The following ELF2 variants were observed in gnomAD, a reference collection of about 807,000 sequenced individuals.
ELF2 encodes ETS-related transcription factor Elf-2.
In ELF2, 11 loss-of-function variants were observed where a neutral mutation model predicts 54.8. That is an observed-to-expected ratio of 0.20 (90% CI 0.13 to 0.33). The LOEUF (loss-of-function observed/expected upper bound fraction) is 0.33, where lower values mean the gene tolerates loss of function less well. ELF2 is among the 10% of genes least tolerant of loss of function. ELF2 has a pLI of 1.00. For missense variants in ELF2, 513 were observed against 703.0 expected, an observed-to-expected ratio of 0.73 and a Z score of 3.06; for synonymous variants, 203 against 245.1, an observed-to-expected ratio of 0.83 and a Z score of 1.61.
At chr4:139,062,430 C>A (rs1327865254) in intron 7 of ELF2, among the ~76,000 whole-genome samples, 1 of 152,204 alleles carries the variant, frequency 6.6e-6, no homozygotes, top group African/African-American at 2.4e-5. Flanking sequence ...CTCAGCCTCC[C>A]AAAATGCTGG....
intron 5 of ELF2, among the ~76,000 whole-genome samples, chr4:139,072,836 A>G (rs1220470943): frequency 6.6e-6 from 1 of 152,230 alleles, no homozygotes; most frequent in African/African-American, 2.4e-5. Flanking sequence ...CAAATTAAGA[A>G]GTATGGTTGC....
At chr4:139,163,166 A>G (rs1741341340) in intron 1 of ELF2, among the ~76,000 whole-genome samples, 1 of 152,190 alleles carries the variant, frequency 6.6e-6, no homozygotes, top group Admixed American at 6.5e-5. Context: ...GGTTTTCATT[A>G]AAAATCAAGA....
chr4:139,122,366 T>C (rs1322451344), intron 4 of ELF2, among the ~76,000 whole-genome samples: 2 of 152,214 alleles, frequency 1.3e-5, no homozygotes, highest in African/African-American at 4.8e-5. Flanking sequence ...ATGAACCTAA[T>C]CCTAATTCAC....
At chr4:139,114,464 GA>G (rs1196992420) in intron 4 of ELF2, among the ~76,000 whole-genome samples, 9 of 151,666 alleles carry the variant, frequency 5.9e-5, no homozygotes, top group Admixed American at 5.9e-4. Flanking sequence ...AGTTACTCAG[GA>G]GGCTGAGGCA....
chr4:139,115,273 G>C (rs544243469), intron 4 of ELF2: 40 of 1,601,968 alleles, frequency 2.5e-5, no homozygotes, highest in Admixed American at 1.0e-4. Context: ...TGCGGTCCCG[G>C]GGGGGGCTCT....
chr4:139,145,812 G>C (rs1397530725), intron 1 of ELF2, among the ~76,000 whole-genome samples: 3 of 151,940 alleles, frequency 2.0e-5, no homozygotes, highest in Non-Finnish European at 1.5e-5. Flanking sequence ...AATAGATGCA[G>C]AAAAAACATT....
At chr4:139,154,419 C>A (rs1740324734) in intron 1 of ELF2, among the ~76,000 whole-genome samples, 1 of 144,932 alleles carries the variant, frequency 6.9e-6, no homozygotes, top group South Asian at 2.5e-4. Flanking sequence ...CTGTTATTAT[C>A]TTTTTAATAA....
intron 7 of ELF2, among the ~76,000 whole-genome samples, chr4:139,063,016 G>A (rs1226907432): frequency 1.3e-5 from 2 of 152,182 alleles, no homozygotes; most frequent in Non-Finnish European, 2.9e-5. Context: ...AGCACTTTGG[G>A]AGGCCAGGAG....
At chr4:139,073,721 C>A in intron 4 of ELF2, 154 bp from the exon 5 acceptor site, 1 of 386,050 alleles carries the variant, frequency 2.6e-6, no homozygotes, top group Non-Finnish European at 4.6e-6. Context: ...GATATCTATT[C>A]GTCTATATAA....
At chr4:139,167,759 A>C (rs1560891150) in intron 1 of ELF2, among the ~76,000 whole-genome samples, 1 of 152,232 alleles carries the variant, frequency 6.6e-6, no homozygotes, top group Non-Finnish European at 1.5e-5. Flanking sequence ...CTGGTACTCG[A>C]AGTCTGAGCC....
chr4:139,090,856 TG>T (rs1421948343), intron 4 of ELF2, among the ~76,000 whole-genome samples: 4 of 152,176 alleles, frequency 2.6e-5, no homozygotes, highest in Non-Finnish European at 2.9e-5. Flanking sequence ...CCCAAAGTGC[TG>T]GGAAAAACAT....
intron 1 of ELF2, among the ~76,000 whole-genome samples, chr4:139,151,047 A>AG (rs1491167538): frequency 4.5e-5 from 4 of 88,488 alleles, no homozygotes; most frequent in Admixed American, 1.5e-4. Context: ...AAAGAAAGAA[A>AG]GAAAGAAAGA....
intron 3 of ELF2, among the ~76,000 whole-genome samples, chr4:139,136,315 G>T (rs1337616122): frequency 1.3e-5 from 2 of 152,020 alleles, no homozygotes; most frequent in Admixed American, 6.6e-5. Flanking sequence ...AAGAGTTTTT[G>T]AGTCCACTGA....
intron 3 of ELF2, among the ~76,000 whole-genome samples, chr4:139,132,721 T>C (rs1467502846): frequency 6.6e-6 from 1 of 151,772 alleles, no homozygotes; most frequent in African/African-American, 2.4e-5. Flanking sequence ...TCCTGGTCTT[T>C]CCTCCCCTTC....
intron 7 of ELF2, 83 bp from the exon 8 acceptor site, chr4:139,062,140 T>C (rs532175968): frequency 3.0e-6 from 4 of 1,345,550 alleles, no homozygotes; most frequent in Non-Finnish European, 4.0e-6. Flanking sequence ...TGTCCTTCAT[T>C]GTATCATAAA....
intron 1 of ELF2, among the ~76,000 whole-genome samples, chr4:139,165,760 C>T (rs1362966845): frequency 1.3e-5 from 2 of 152,212 alleles, no homozygotes; most frequent in African/African-American, 4.8e-5. Context: ...GAAACAGAGA[C>T]ACTGAACTAA....
intron 1 of ELF2, among the ~76,000 whole-genome samples, chr4:139,151,686 G>C (rs1450935315): frequency 6.6e-6 from 1 of 152,198 alleles, no homozygotes; most frequent in Non-Finnish European, 1.5e-5. Flanking sequence ...AGGGTCCAAA[G>C]AGGAGGTTAA....
At chr4:139,092,576 G>T (rs900828642) in intron 4 of ELF2, among the ~76,000 whole-genome samples, 2 of 152,098 alleles carry the variant, frequency 1.3e-5, no homozygotes, top group African/African-American at 4.8e-5. Flanking sequence ...TGGGCAACGT[G>T]ATGAAACCCC....
At chr4:139,126,043 C>T (rs1736884223) in intron 3 of ELF2, among the ~76,000 whole-genome samples, 1 of 152,084 alleles carries the variant, frequency 6.6e-6, no homozygotes, top group African/African-American at 2.4e-5. Flanking sequence ...CTTTTTAGTC[C>T]ATCACTTTTA....
Sources: gnomAD v4.1 joint callset for allele counts (sites outside exome capture counted in the v4.1 genomes callset) on GRCh38, gnomAD v4.1.1 for gene constraint, MANE v1.5 for transcripts, NCBI Gene and HGNC (gene_info 2026-07-23, HGNC 2026-07-21) for gene names.